INPP4B: variants seen among roughly 807,000 people sequenced by gnomAD.
The protein encoded by INPP4B is inositol polyphosphate 4-phosphatase type II.
INPP4B carries 55 observed loss-of-function variants against 122.5 expected under a neutral mutation model. The ratio of observed to expected loss-of-function variants is 0.45; its 90% CI spans 0.36 to 0.56. The LOEUF (loss-of-function observed/expected upper bound fraction) is 0.56, where lower values mean the gene tolerates loss of function less well. Among genes scored for constraint, INPP4B ranks in the 20% least tolerant of loss-of-function variants. The pLI is 0.00. For synonymous variants in INPP4B, 403 were observed against 388.7 expected (o/e 1.04, Z -0.43); for missense variants, 1,000 against 1,097.7 (o/e 0.91, Z 1.26).
At chr4:142,173,862 G>C in intron 15 of INPP4B, 53 bp from the exon 16 acceptor site, 1 of 1,403,550 alleles carries the variant, frequency 7.1e-7, no homozygotes, top group East Asian at 2.3e-5. Flanking sequence ...TGAATGTTCA[G>C]CCCTTAATAT....
intron 1 of INPP4B, among the ~76,000 whole-genome samples, chr4:142,822,735 A>G (rs1780942987): frequency 6.6e-6 from 1 of 152,044 alleles, no homozygotes; most frequent in African/African-American, 2.4e-5. Context: ...CTGTTACATG[A>G]AAAAAGTGAC....
At chr4:142,482,369 T>G (rs1379338518) in intron 2 of INPP4B, among the ~76,000 whole-genome samples, 3 of 152,146 alleles carry the variant, frequency 2.0e-5, no homozygotes, top group Non-Finnish European at 4.4e-5. Flanking sequence ...AATGAAATAT[T>G]AGAAAGCATC....
intron 9 of INPP4B, among the ~76,000 whole-genome samples, chr4:142,295,645 G>T (rs538869639): frequency 5.9e-5 from 9 of 152,242 alleles, no homozygotes; most frequent in Middle Eastern, 3.4e-3. Context: ...AAGAAAAGCT[G>T]CAGGCGACAT....
intron 11 of INPP4B, among the ~76,000 whole-genome samples, chr4:142,240,868 A>G (rs1056301740): frequency 1.3e-5 from 2 of 152,120 alleles, no homozygotes; most frequent in African/African-American, 4.8e-5. Flanking sequence ...AGCAAATAAA[A>G]TGTTCTCAAC....
At chr4:142,627,218 T>C (rs1434914929) in intron 2 of INPP4B, among the ~76,000 whole-genome samples, 1 of 152,060 alleles carries the variant, frequency 6.6e-6, no homozygotes, top group African/African-American at 2.4e-5. Context: ...TTTGACTTCC[T>C]CTTTTCCTAA....
chr4:142,702,395 A>G (rs1423857628), intron 2 of INPP4B, among the ~76,000 whole-genome samples: 1 of 152,086 alleles, frequency 6.6e-6, no homozygotes, highest in Non-Finnish European at 1.5e-5. Flanking sequence ...CAAAAACATA[A>G]AAATAGAAAT....
chr4:142,144,961 T>C (rs979024451), intron 18 of INPP4B, among the ~76,000 whole-genome samples: 1 of 151,782 alleles, frequency 6.6e-6, no homozygotes, highest in Non-Finnish European at 1.5e-5. Flanking sequence ...CAGAAGAGAG[T>C]AGGGTAGTAT....
At chr4:142,253,008 T>C (rs564854679) in intron 11 of INPP4B, among the ~76,000 whole-genome samples, 1 of 152,348 alleles carries the variant, frequency 6.6e-6, no homozygotes, top group Non-Finnish European at 1.5e-5. Flanking sequence ...CGCCTATTGC[T>C]CCTAGGCTAC....
At chr4:142,327,476 G>T (rs1040434783) in intron 7 of INPP4B, among the ~76,000 whole-genome samples, 1 of 152,004 alleles carries the variant, frequency 6.6e-6, no homozygotes, top group Non-Finnish European at 1.5e-5. Flanking sequence ...ATGGAGTGGA[G>T]GGGCTTTCAA....
intron 3 of INPP4B, among the ~76,000 whole-genome samples, chr4:142,454,152 A>G (rs567449838): frequency 6.6e-6 from 1 of 152,234 alleles, no homozygotes; most frequent in African/African-American, 2.4e-5. Flanking sequence ...ATCTCAAGTA[A>G]AAGATCACTA....
intron 12 of INPP4B, among the ~76,000 whole-genome samples, chr4:142,221,506 A>G (rs1388706609): frequency 6.6e-6 from 1 of 152,086 alleles, no homozygotes; most frequent in Non-Finnish European, 1.5e-5. Context: ...AAAACAAAAC[A>G]AACACCAAAT....
At chr4:142,521,836 T>G (rs1402966167) in intron 2 of INPP4B, among the ~76,000 whole-genome samples, 1 of 152,174 alleles carries the variant, frequency 6.6e-6, no homozygotes, top group African/African-American at 2.4e-5. Context: ...GTGGTATATC[T>G]ATGATAATGC....
At chr4:142,085,058 C>T (rs1323813011) in intron 24 of INPP4B, among the ~76,000 whole-genome samples, 1 of 152,092 alleles carries the variant, frequency 6.6e-6, no homozygotes, top group East Asian at 1.9e-4. Flanking sequence ...TAAATGGAAC[C>T]AGTGTAAATC....
chr4:142,394,197 G>T (rs1023026167), intron 7 of INPP4B, among the ~76,000 whole-genome samples: 8 of 152,196 alleles, frequency 5.3e-5, no homozygotes, highest in Non-Finnish European at 1.0e-4. Flanking sequence ...CCAGGGTAGA[G>T]TGCTGGGGCA....
intron 1 of INPP4B, among the ~76,000 whole-genome samples, chr4:142,760,972 G>C (rs1019596404): frequency 6.6e-6 from 1 of 152,012 alleles, no homozygotes; most frequent in Admixed American, 6.6e-5. Flanking sequence ...CTAGCAACCT[G>C]GTCTCACCCA....
intron 11 of INPP4B, among the ~76,000 whole-genome samples, chr4:142,244,517 A>T (rs1182808661): frequency 6.6e-6 from 1 of 151,698 alleles, no homozygotes; most frequent in East Asian, 1.9e-4. Context: ...GTTAGCCAGG[A>T]TGGTCTTGAA....
chr4:142,703,053 G>T (rs564560588), intron 2 of INPP4B, among the ~76,000 whole-genome samples: 2 of 152,228 alleles, frequency 1.3e-5, no homozygotes, highest in African/African-American at 4.8e-5. Flanking sequence ...CTATCAGCTC[G>T]ATTTCCTCAC....
At chr4:142,827,884 C>T (rs181447961) in intron 1 of INPP4B, among the ~76,000 whole-genome samples, 35 of 152,150 alleles carry the variant, frequency 2.3e-4, no homozygotes, top group African/African-American at 8.0e-4. Flanking sequence ...CAATTCCTGC[C>T]CACATAAAGA....
At chr4:142,029,574 T>A in intron 25 of INPP4B, 1 of 985,456 alleles carries the variant, frequency 1.0e-6, no homozygotes, top group Middle Eastern at 5.2e-4. Context: ...AAACAAGAGA[T>A]ACAAACAGGT....
Sources: gnomAD v4.1 joint callset for allele counts (sites outside exome capture counted in the v4.1 genomes callset) on GRCh38, gnomAD v4.1.1 for gene constraint, MANE v1.5 for transcripts, NCBI Gene and HGNC (gene_info 2026-07-23, HGNC 2026-07-21) for gene names.